The following CASS4 variants were observed in gnomAD, a reference collection of about 807,000 sequenced individuals.
CASS4 encodes Cas scaffold protein family member 4.
Under a neutral mutation model 54.2 loss-of-function variants are expected in CASS4, and 22 were observed. The observed-to-expected ratio is 0.41, with a 90% CI of 0.29 to 0.58. The LOEUF is 0.58. CASS4 is among the 20% of genes least tolerant of loss of function. The pLI is 0.36. For synonymous variants in CASS4, 409 were observed against 391.5 expected (o/e 1.04, Z -0.53); for missense variants, 854 against 986.7 (o/e 0.87, Z 1.80).
intron 2 of CASS4, among the ~76,000 whole-genome samples, chr20:56,438,181 G>T (rs1040358961): frequency 6.6e-6 from 1 of 151,982 alleles, no homozygotes; most frequent in Non-Finnish European, 1.5e-5. Context: ...CAACTACTTA[G>T]TGGGAGGCTG....
intron 1 of CASS4, among the ~76,000 whole-genome samples, chr20:56,422,692 A>G (rs41490147): frequency 0.011 from 1,684 of 152,280 alleles, 34 homozygotes; most frequent in African/African-American, 0.038. Context: ...TGGCTTTTTC[A>G]TCTGAATCAT....
chr20:56,445,853 T>A, intron 2 of CASS4, 47 bp from the exon 3 acceptor site: 2 of 1,413,010 alleles, frequency 1.4e-6, no homozygotes, highest in Non-Finnish European at 2.0e-6. Context: ...ATTGTGATCA[T>A]CAGAGTGACA....
chr20:56,420,415 G>T (rs946665388), intron 1 of CASS4, among the ~76,000 whole-genome samples: 17 of 152,022 alleles, frequency 1.1e-4, no homozygotes, highest in Admixed American at 8.5e-4. Context: ...TAGAGACAGG[G>T]TCTCACTTTG....
At chr20:56,432,482 C>G (rs1386193082) in intron 1 of CASS4, among the ~76,000 whole-genome samples, 3 of 151,372 alleles carry the variant, frequency 2.0e-5, no homozygotes, top group Non-Finnish European at 1.5e-5. Context: ...ATCCACTCAC[C>G]TCAGCCTCCC....
rs745664879 is a variant in CASS4 at position 56,453,116 on chromosome 20, A to G, written c.1940A>G (p.Asn647Ser). ...SSELLKKNRA[N>S]ICGQNPGPLI... ...GAACTATTAAAGAAAAATAGGGCAA[A>G]TATCTGTGGACAGGTGAGTTCAGAG... The change falls in exon 5 of 6, where the codon AAT becomes AGT. Residue 647 changes from asparagine (N) to serine (S), a missense_variant. Transcript: ENST00000679887. 1.2e-6 allele frequency: 2 copies of G among 1,612,218 alleles called. No individual in the cohort carries two copies. The highest frequency in any genetic ancestry group is 1.7e-6 in the Non-Finnish European group (2 of 1,179,316).
chr20:56,445,601 AC>A (rs2146289082), intron 2 of CASS4, among the ~76,000 whole-genome samples: 1 of 152,118 alleles, frequency 6.6e-6, no homozygotes, highest in South Asian at 2.1e-4. Context: ...ACACCCAGAG[AC>A]TCCGTCCAAC....
chr20:56,444,910 A>G (rs1980631815), intron 2 of CASS4, among the ~76,000 whole-genome samples: 2 of 152,200 alleles, frequency 1.3e-5, no homozygotes, highest in South Asian at 4.1e-4. Context: ...CGGGAGTTCA[A>G]GACCAGCCCG....
At position 56,452,133 on chromosome 20, in the gene CASS4, C is replaced by G. The variant is rs763382815; in HGVS notation, c.957C>G (p.Gly319=). The change falls in exon 5 of 6, where the codon GGC becomes GGG. Residue 319 remains glycine (G), a synonymous_variant. Transcript: ENST00000679887. ...CTTATGGCTTTCTTGTACCCAGAGG[C>G]ACATTTCCTTTGGATGAAGATGTCA... ...IPSYGFLVPR[G]TFPLDEDVSY... is the part of the protein sequence containing the mutation. 6.2e-7 allele frequency: 1 copy of G among 1,614,198 alleles called. No individual in the cohort carries two copies. Among genetic ancestry groups the G allele is most frequent in the Non-Finnish European group, 8.5e-7 (1 of 1,180,048 alleles).
At position 56,412,454 on chromosome 20, in the gene CASS4, C is replaced by G. The variant is rs1600738222; in HGVS notation, c.-5C>G. ...AGCTCAGGGGAGCTGCTCCACATCA[C>G]CGACATGAAGGGAACAGGCATCATG... On this transcript the variant is annotated 5_prime_UTR_variant, in exon 1 of 6. Coordinates refer to ENST00000679887, the MANE Select transcript of CASS4 (RefSeq NM_020356.4). The surrounding 1 kb of genome is among the most constrained non-coding windows in gnomAD (Gnocchi z 4.2). 1.2e-6 allele frequency: 2 copies of G among 1,612,426 alleles called. No homozygotes were observed.
rs891477283 is a variant in CASS4 at position 56,452,726 on chromosome 20, G to A, written c.1550G>A (p.Arg517Gln). 22 of 1,614,026 alleles carry A rather than the reference G, an allele frequency of 1.4e-5. No individual in the cohort carries two copies. Among genetic ancestry groups the A allele is most frequent in the Non-Finnish European group, 1.4e-5 (16 of 1,180,006 alleles). The change falls in exon 5 of 6, where the codon CGG becomes CAG. Residue 517 changes from arginine to glutamine, a missense_variant. By Grantham distance (43) the Arg-to-Gln change is conservative (BLOSUM62 1). Transcript: ENST00000679887. ...GACAGTAACCTTCAGAACAGAATTCGGGACCAGATGCAGACCATCTCCAAC... is the reference window on the plus strand; with the variant it reads ...GACAGTAACCTTCAGAACAGAATTCAGGACCAGATGCAGACCATCTCCAAC... The part of the protein sequence containing the change: ...LTDSNLQNRI[R>Q]DQMQTISNSY...
Position 56,437,525 on chromosome 20 carries a change from T to C in CASS4, c.398T>C (p.Phe133Ser). The C allele has an allele frequency of 6.3e-7, 1 of 1,578,230 alleles. No homozygotes were observed. ...PQPPTAQVYE[F>S]PDPPTSARII... is the part of the protein sequence containing the mutation. ...CCCCCTACTGCCCAAGTCTATGAAT[T>C]CCCCGACCCTCCCACCAGTGCCAGA... The change falls in exon 2 of 6, where the codon TTC becomes TCC. Residue 133 changes from phenylalanine (F) to serine (S), a missense_variant. Transcript: ENST00000679887. This position sits in a 1 kb window ranked among gnomAD's most constrained non-coding sequence, Gnocchi z 4.7.
At chr20:56,416,910 A>C (rs1188433039) in intron 1 of CASS4, among the ~76,000 whole-genome samples, 3 of 152,186 alleles carry the variant, frequency 2.0e-5, no homozygotes, top group African/African-American at 7.2e-5. Context: ...TTTAAATGTG[A>C]TTATCTTTCA....
intron 2 of CASS4, among the ~76,000 whole-genome samples, chr20:56,442,977 A>C (rs1364557952): frequency 1.3e-5 from 2 of 151,776 alleles, no homozygotes; most frequent in East Asian, 3.9e-4. Flanking sequence ...CCTTATAGGC[A>C]AAGGGGATCC....
chr20:56,452,191 C>T lies in CASS4; in HGVS notation c.1015C>T (p.Arg339Ter), dbSNP rs756167828. 4 of 1,614,114 alleles carry T rather than the reference C, an allele frequency of 2.5e-6. No homozygotes were observed. Among genetic ancestry groups the T allele is most frequent in the South Asian group, 2.2e-5 (2 of 91,072 alleles). Residue 339 changes from arginine (R) to a stop codon, truncating the protein, a stop_gained, in exon 5 of 6, where the codon CGA becomes TGA. Transcript: ENST00000679887. LOFTEE classifies it high-confidence loss of function. Reference protein sequence around the residue: ...YKVPSSFLIPRVEQQNTKPNI... With the variant: ...YKVPSSFLIP Reference sequence around the variant, plus strand: ...GGTTCCTTCAAGCTTTCTGATTCCCCGAGTGGAACAGCAGAACACCAAGCC... The same window carrying T: ...GGTTCCTTCAAGCTTTCTGATTCCCTGAGTGGAACAGCAGAACACCAAGCC...
Position 56,452,012 on chromosome 20 carries a change from TC to T in CASS4, c.837del (p.Tyr280ThrfsTer15). On this transcript the variant is annotated frameshift_variant, in exon 5 of 6. Transcript: ENST00000679887. LOFTEE classifies it high-confidence loss of function. ...PHALPSSSST[F>X]YNPPSGRSRS... ...GCTCTCCCCAGTTCCAGCTCCACTT[TC>T]TACAATCCTCCAAGTGGCAGATCCA... The T allele has an allele frequency of 6.2e-7, 1 of 1,614,204 alleles. No homozygotes were observed. The highest frequency in any genetic ancestry group is 8.5e-7 in the Non-Finnish European group (1 of 1,180,038).
intron 1 of CASS4, among the ~76,000 whole-genome samples, chr20:56,432,556 C>T (rs571865341): frequency 4.6e-5 from 7 of 151,854 alleles, no homozygotes; most frequent in Admixed American, 6.6e-5. Flanking sequence ...TTGGTAGAGA[C>T]GGGGTTTCAC....
At chr20:56,422,547 A>G (rs1422822298) in intron 1 of CASS4, among the ~76,000 whole-genome samples, 3 of 152,224 alleles carry the variant, frequency 2.0e-5, no homozygotes, top group Non-Finnish European at 2.9e-5. Context: ...GGAAAAGCAC[A>G]GTATTCAGGT....
At position 56,417,021 on chromosome 20, in the gene CASS4, G is replaced by A. The variant is rs567808637; in HGVS notation, c.36+4527G>A. Among the ~76,000 whole-genome samples the A allele has an allele frequency of 2.4e-4, 36 of 152,284 alleles. 1 individual carries two copies. Among genetic ancestry groups the A allele is most frequent in the South Asian group, 1.9e-3 (9 of 4,826 alleles). The stretch of plus-strand genomic sequence containing the variant: ...TTGGACCCACTCAAGAAGGATCAAG[G>A]TAAAAATGTAGAATTTTTTAAAAAA... On this transcript the variant is annotated intron_variant, in intron 1 of 5. Transcript: ENST00000679887.
chr20:56,437,292 G>C lies in CASS4; in HGVS notation c.165G>C (p.Leu55Phe), dbSNP rs1980224747. 1 of 1,614,166 alleles carries C rather than the reference G, an allele frequency of 6.2e-7. No homozygotes were observed. Among genetic ancestry groups the C allele is most frequent in the African/African-American group, 1.3e-5 (1 of 75,064 alleles). ...AAAGCGAGGGTTGGTGGAAGTGTTT[G>C]CTCCATGGGAGGCAAGGCCTGGCCC... ...VPESEGWWKC[L>F]LHGRQGLAPA... Residue 55 changes from leucine to phenylalanine, a missense_variant, in exon 2 of 6, where the codon TTG (leucine) becomes TTC (phenylalanine). Transcript: ENST00000679887. The surrounding 1 kb of genome is among the most constrained non-coding windows in gnomAD (Gnocchi z 4.7).
Sources: allele counts gnomAD v4.1 joint callset (sites outside exome capture counted in the v4.1 genomes callset), GRCh38; gene constraint gnomAD v4.1.1; non-coding constraint Gnocchi (gnomAD v3.1); transcripts MANE v1.5; gene names NCBI Gene and HGNC (gene_info 2026-07-23, HGNC 2026-07-21).